The following STAC variants were observed in gnomAD, a reference collection of about 807,000 sequenced individuals.
The protein encoded by STAC is SH3 and cysteine-rich domain-containing protein.
A neutral mutation model predicts 48.8 loss-of-function variants in STAC; 43 were observed. That is an observed-to-expected ratio of 0.88 (90% CI 0.69 to 1.14). The LOEUF is 1.14. Ranked by LOEUF, STAC falls within the 50% of genes most tolerant of loss-of-function variation. STAC has a pLI of 0.00. For missense variants in STAC, 497 were observed against 504.0 expected, an observed-to-expected ratio of 0.99 and a Z score of 0.13; for synonymous variants, 193 against 179.5, an observed-to-expected ratio of 1.07 and a Z score of -0.60.
rs139807752 is a variant in STAC at position 36,496,792 on chromosome 3, T to C, written c.766+3563T>C. Among the ~76,000 whole-genome samples the C allele has an allele frequency of 1.8e-4, 28 of 152,344 alleles. No homozygotes were observed. The East Asian group carries it at 5.0e-3, about 27-fold the overall frequency. ...GTAAAATCTCGCCTGAAGTAAAATC[T>C]GGCCTGCCTATTTCAGCTCCAAATG... On this transcript the variant is annotated intron_variant, in intron 6 of 10. Transcript: ENST00000273183.
chr3:36,472,508 A>G (rs1457544269), intron 2 of STAC, among the ~76,000 whole-genome samples: 1 of 152,206 alleles, frequency 6.6e-6, no homozygotes. Flanking sequence ...ACATTTTCTG[A>G]ACTTTGATGC....
chr3:36,479,720 A>T (rs146942875), intron 2 of STAC, among the ~76,000 whole-genome samples: 71 of 152,376 alleles, frequency 4.7e-4, no homozygotes, highest in African/African-American at 1.6e-3. Flanking sequence ...TTAAAGAGCC[A>T]GACTGAGACA....
chr3:36,420,790 C>T (rs1700432783), intron 1 of STAC, among the ~76,000 whole-genome samples: 1 of 152,136 alleles, frequency 6.6e-6, no homozygotes, highest in African/African-American at 2.4e-5. Context: ...TTGTTAAAAC[C>T]TTTCTAAACA....
At chr3:36,525,987 A>AT (rs560234022) in intron 8 of STAC, among the ~76,000 whole-genome samples, 84 of 152,154 alleles carry the variant, frequency 5.5e-4, no homozygotes, top group Middle Eastern at 3.4e-3. Flanking sequence ...CAGAAAATAC[A>AT]TTTTTTTTAA....
chr3:36,525,095 GTCTA>G (rs770628583), intron 8 of STAC, among the ~76,000 whole-genome samples: 60 of 151,698 alleles, frequency 4.0e-4, no homozygotes, highest in African/African-American at 1.4e-3. Context: ...CTTGTTTATT[GTCTA>G]TCTTTCTCAC....
At chr3:36,459,475 C>A (rs139886767) in intron 2 of STAC, 1 of 152,136 alleles carries the variant, frequency 6.6e-6, no homozygotes, top group Non-Finnish European at 1.5e-5. Flanking sequence ...ATCAAAACAT[C>A]CCATATTTTC....
chr3:36,524,829 TAG>T (rs1698893941), intron 8 of STAC, among the ~76,000 whole-genome samples: 1 of 152,020 alleles, frequency 6.6e-6, no homozygotes, highest in African/African-American at 2.4e-5. Context: ...GCCTAGATGT[TAG>T]AGAGTTACTA....
chr3:36,487,932 G>A (rs144960560), intron 5 of STAC, among the ~76,000 whole-genome samples: 2 of 152,232 alleles, frequency 1.3e-5, no homozygotes, highest in East Asian at 1.9e-4. Flanking sequence ...GGATAAAAAT[G>A]GTGCTAAATG....
chr3:36,544,118 T>C (rs1699389834), intron 10 of STAC, among the ~76,000 whole-genome samples: 1 of 152,168 alleles, frequency 6.6e-6, no homozygotes. Context: ...GGCATTTTTG[T>C]GTGTTCTTCC....
intron 1 of STAC, among the ~76,000 whole-genome samples, chr3:36,402,641 A>C (rs1700020140): frequency 6.6e-6 from 1 of 152,200 alleles, no homozygotes; most frequent in African/African-American, 2.4e-5. Context: ...CTAGACTTCA[A>C]AAGTTGTAAA....
chr3:36,533,653 T>C (rs1352100897), intron 10 of STAC, among the ~76,000 whole-genome samples: 1 of 152,128 alleles, frequency 6.6e-6, no homozygotes, highest in African/African-American at 2.4e-5. Context: ...CACCAATTCC[T>C]TGGCATATTC....
intron 1 of STAC, among the ~76,000 whole-genome samples, chr3:36,387,562 T>C (rs535132827): frequency 6.6e-6 from 1 of 152,244 alleles, no homozygotes; most frequent in African/African-American, 2.4e-5. Context: ...ATTCCGGGTT[T>C]ACCATATAAG....
chr3:36,467,388 T>A (rs576505733), intron 2 of STAC, among the ~76,000 whole-genome samples: 1 of 152,252 alleles, frequency 6.6e-6, no homozygotes, highest in South Asian at 2.1e-4. Flanking sequence ...TTACTGTTTC[T>A]CCGTCTTTTG....
At chr3:36,384,989 G>A (rs1699586617) in intron 1 of STAC, among the ~76,000 whole-genome samples, 1 of 152,100 alleles carries the variant, frequency 6.6e-6, no homozygotes, top group Non-Finnish European at 1.5e-5. Flanking sequence ...TTCTATTCAG[G>A]GAAGAAGATG....
chr3:36,475,624 G>A (rs909484121), intron 2 of STAC, among the ~76,000 whole-genome samples: 13 of 152,202 alleles, frequency 8.5e-5, no homozygotes, highest in East Asian at 1.9e-4. Context: ...AGAGGCTGTC[G>A]TGGGTCACCC....
chr3:36,395,026 GATATAT>G (rs3061956), intron 1 of STAC, among the ~76,000 whole-genome samples: 2 of 148,152 alleles, frequency 1.3e-5, no homozygotes, highest in African/African-American at 5.0e-5. Flanking sequence ...AAGATATATA[GATATAT>G]ATATATATAT....
chr3:36,443,246 C>A lies in STAC; in HGVS notation c.112-118C>A. On this transcript the variant is annotated intron_variant, in intron 1 of 10. Transcript: ENST00000273183. The surrounding 1 kb of genome is among the most constrained non-coding windows in gnomAD (Gnocchi z 4.2). ...CCACACAGGGACATTTATGAGCCTC[C>A]TCAAGACGGAGGGTGTCAGTGGGGA... 1 of 1,249,796 alleles carries A rather than the reference C, an allele frequency of 8.0e-7. No homozygotes were observed. The highest frequency in any genetic ancestry group is 1.1e-6 in the Non-Finnish European group (1 of 899,686). 77.4% of individuals were successfully genotyped at this position (1,249,796 alleles called of 1,614,324 possible).
intron 8 of STAC, among the ~76,000 whole-genome samples, chr3:36,512,927 T>G (rs1698577940): frequency 6.6e-6 from 1 of 152,136 alleles, no homozygotes; most frequent in Non-Finnish European, 1.5e-5. Context: ...TGAATTACCT[T>G]TTTCTCCTCA....
At chr3:36,397,614 A>G (rs1699880254) in intron 1 of STAC, among the ~76,000 whole-genome samples, 1 of 152,232 alleles carries the variant, frequency 6.6e-6, no homozygotes, top group African/African-American at 2.4e-5. Context: ...GAATACAAGA[A>G]AGAACATGAT....
Sources: gnomAD v4.1 joint callset for allele counts (sites outside exome capture counted in the v4.1 genomes callset) on GRCh38, gnomAD v4.1.1 for gene constraint, Gnocchi (gnomAD v3.1) non-coding constraint, MANE v1.5 for transcripts, NCBI Gene and HGNC (gene_info 2026-07-23, HGNC 2026-07-21) for gene names.